The following TRPC4 variants were observed in gnomAD, a reference collection of about 807,000 sequenced individuals.
TRPC4 encodes short transient receptor potential channel 4.
A neutral mutation model predicts 99.4 loss-of-function variants in TRPC4; 49 were observed. The ratio of observed to expected loss-of-function variants is 0.49; its 90% CI spans 0.39 to 0.63. The LOEUF is 0.63. TRPC4 is among the 20% of genes least tolerant of loss of function. TRPC4 has a pLI of 0.00. For synonymous variants in TRPC4, 454 were observed against 425.9 expected (o/e 1.07, Z -0.81); for missense variants, 898 against 1,152.9 (o/e 0.78, Z 3.20).
At chr13:37,749,260 C>A (rs191855992) in intron 2 of TRPC4, among the ~76,000 whole-genome samples, 1 of 152,074 alleles carries the variant, frequency 6.6e-6, no homozygotes, top group African/African-American at 2.4e-5. Context: ...ATTACCCAGT[C>A]TCAGGTAGTG....
At chr13:37,689,856 C>G (rs1000660033) in intron 4 of TRPC4, among the ~76,000 whole-genome samples, 1 of 152,022 alleles carries the variant, frequency 6.6e-6, no homozygotes, top group Admixed American at 6.6e-5. Context: ...CCCATTTATC[C>G]CAGTAAAATT....
intron 1 of TRPC4, among the ~76,000 whole-genome samples, chr13:37,829,136 C>A (rs148968212): frequency 6.6e-6 from 1 of 152,076 alleles, no homozygotes; most frequent in African/African-American, 2.4e-5. Flanking sequence ...AAAATTAAAA[C>A]GCTTTTCCTT....
chr13:37,718,156 T>A (rs73168453), intron 3 of TRPC4, among the ~76,000 whole-genome samples: 1 of 151,820 alleles, frequency 6.6e-6, no homozygotes, highest in Non-Finnish European at 1.5e-5. Context: ...GAAAAAAGAT[T>A]CCCAAATTCT....
intron 3 of TRPC4, among the ~76,000 whole-genome samples, chr13:37,742,178 G>A (rs1955612179): frequency 1.3e-5 from 2 of 152,124 alleles, no homozygotes; most frequent in Non-Finnish European, 2.9e-5. Context: ...AAATGAAAAT[G>A]TAAAAATATC....
intron 5 of TRPC4, among the ~76,000 whole-genome samples, chr13:37,664,662 A>C (rs563947971): frequency 6.6e-6 from 1 of 152,210 alleles, no homozygotes; most frequent in Admixed American, 6.5e-5. Flanking sequence ...TGAATAATAA[A>C]TTGAATTATT....
chr13:37,857,922 C>T lies in TRPC4; in HGVS notation c.-28+11673G>A, dbSNP rs556482058. On this transcript the variant is annotated intron_variant, in intron 1 of 10. Transcript: ENST00000379705. ...AAGCAGAAATGGACAAATGGGATCACATCAAGTTAAAAAGTTTCTGCACAG... is the reference window on the plus strand; with the variant it reads ...AAGCAGAAATGGACAAATGGGATCATATCAAGTTAAAAAGTTTCTGCACAG... 6.3e-4 allele frequency among the ~76,000 whole-genome samples: 96 copies of T among 151,636 alleles called. 1 individual carries two copies. Among genetic ancestry groups the T allele is most frequent in the Admixed American group, 6.0e-3 (91 of 15,194 alleles).
chr13:37,690,968 T>A (rs1953676538), intron 4 of TRPC4, among the ~76,000 whole-genome samples: 1 of 152,182 alleles, frequency 6.6e-6, no homozygotes, highest in Non-Finnish European at 1.5e-5. Context: ...TTTAAAATAA[T>A]GAGCTAAATT....
chr13:37,808,413 G>A (rs2139461008), intron 1 of TRPC4, among the ~76,000 whole-genome samples: 1 of 152,164 alleles, frequency 6.6e-6, no homozygotes, highest in East Asian at 1.9e-4. Flanking sequence ...TAATTCTGGA[G>A]ACCTCCTTAG....
At chr13:37,751,098 G>A (rs548871209) in intron 2 of TRPC4, among the ~76,000 whole-genome samples, 38 of 152,124 alleles carry the variant, frequency 2.5e-4, no homozygotes, top group Admixed American at 5.9e-4. Flanking sequence ...GCCTCCACCT[G>A]CTAACCGGTT....
intron 3 of TRPC4, among the ~76,000 whole-genome samples, chr13:37,713,271 G>C (rs763756026): frequency 1.3e-5 from 2 of 152,066 alleles, no homozygotes; most frequent in Non-Finnish European, 2.9e-5. Flanking sequence ...CAAGTCAGTA[G>C]TTACAGAATT....
chr13:37,839,812 G>A (rs1471914676), intron 1 of TRPC4, among the ~76,000 whole-genome samples: 4 of 152,058 alleles, frequency 2.6e-5, no homozygotes, highest in Non-Finnish European at 4.4e-5. Flanking sequence ...CTTCAGACAA[G>A]TCAAATGAAA....
intron 2 of TRPC4, among the ~76,000 whole-genome samples, chr13:37,749,247 T>C (rs1310359551): frequency 1.3e-5 from 2 of 152,130 alleles, no homozygotes; most frequent in Non-Finnish European, 2.9e-5. Context: ...CTTTCCTTTA[T>C]AAATTACCCA....
intron 2 of TRPC4, among the ~76,000 whole-genome samples, chr13:37,780,812 T>TTATA (rs1308927024): frequency 6.6e-6 from 1 of 152,008 alleles, no homozygotes; most frequent in Non-Finnish European, 1.5e-5. Flanking sequence ...TCTTTCAAAA[T>TTATA]TATAAAGTTC....
intron 1 of TRPC4, among the ~76,000 whole-genome samples, chr13:37,796,934 T>TAAAATAAAAC (rs1957262321): frequency 8.2e-6 from 1 of 122,054 alleles, no homozygotes; most frequent in Non-Finnish European, 1.8e-5. Flanking sequence ...TCTACAAAAA[T>TAAAATAAAAC]AAAATAAAAT....
At chr13:37,832,546 A>T (rs1161987882) in intron 1 of TRPC4, among the ~76,000 whole-genome samples, 1 of 152,120 alleles carries the variant, frequency 6.6e-6, no homozygotes, top group South Asian at 2.1e-4. Context: ...CAAAAACAAC[A>T]ACAACAACAA....
At chr13:37,818,981 T>C (rs1182894220) in intron 1 of TRPC4, among the ~76,000 whole-genome samples, 2 of 151,624 alleles carry the variant, frequency 1.3e-5, no homozygotes, top group African/African-American at 4.8e-5. Flanking sequence ...AACAAGCATA[T>C]GAAAAAAAAT....
chr13:37,660,718 A>G (rs1952406350), intron 6 of TRPC4, among the ~76,000 whole-genome samples: 1 of 152,238 alleles, frequency 6.6e-6, no homozygotes, highest in East Asian at 1.9e-4. Context: ...GGTACTTTAT[A>G]TGAATTAGTG....
At chr13:37,781,826 C>T (rs922616710) in intron 2 of TRPC4, among the ~76,000 whole-genome samples, 9 of 151,978 alleles carry the variant, frequency 5.9e-5, no homozygotes, top group Admixed American at 2.6e-4. Context: ...ACAGGCTTTT[C>T]CCAGCAGACA....
At chr13:37,743,490 C>A (rs1955650657) in intron 3 of TRPC4, among the ~76,000 whole-genome samples, 1 of 152,108 alleles carries the variant, frequency 6.6e-6, no homozygotes, top group South Asian at 2.1e-4. Context: ...AAAACACGTT[C>A]AGTAAGGAAG....
Sources: gnomAD v4.1 joint callset for allele counts (sites outside exome capture counted in the v4.1 genomes callset) on GRCh38, gnomAD v4.1.1 for gene constraint, MANE v1.5 for transcripts, NCBI Gene and HGNC (gene_info 2026-07-23, HGNC 2026-07-21) for gene names.